The following MRPS35 variants were observed in gnomAD, a reference collection of about 807,000 sequenced individuals.
MRPS35 encodes the protein small ribosomal subunit protein mS35.
MRPS35 carries 29 observed loss-of-function variants against 32.7 expected under a neutral mutation model. That is an observed-to-expected ratio of 0.89 (90% CI 0.66 to 1.21). The LOEUF (loss-of-function observed/expected upper bound fraction) is 1.21, where lower values mean the gene tolerates loss of function less well. Ranked by LOEUF, MRPS35 falls within the 50% of genes most tolerant of loss-of-function variation. The pLI is 0.00. For synonymous variants in MRPS35, 148 were observed against 139.3 expected (o/e 1.06, Z -0.44); for missense variants, 373 against 383.8 (o/e 0.97, Z 0.23).
In MRPS35 at chr12:27,735,564, A is replaced by C; in HGVS notation, c.632+8A>C. The C allele has an allele frequency of 6.3e-7, 1 of 1,595,202 alleles. No individual in the cohort carries two copies. Among genetic ancestry groups the C allele is most frequent in the Non-Finnish European group, 8.6e-7 (1 of 1,166,370 alleles). ...TACCATCAAAACAGATAGGTAATGG[A>C]AAAAATGTTCAGCCGACTGGTCACG... On this transcript the variant is annotated splice_region_variant and intron_variant, in intron 6 of 7. Transcript: ENST00000081029.
chr12:27,722,722 G>A (rs1417764175), intron 4 of MRPS35, among the ~76,000 whole-genome samples: 1 of 149,740 alleles, frequency 6.7e-6, no homozygotes, highest in African/African-American at 2.4e-5. Flanking sequence ...TAATTGCAAA[G>A]ATACTTCTTT....
At chr12:27,720,618 T>C (rs1334551505) in intron 4 of MRPS35, among the ~76,000 whole-genome samples, 2 of 151,922 alleles carry the variant, frequency 1.3e-5, no homozygotes. Flanking sequence ...TTTATGTATA[T>C]ATGCTTATAT....
chr12:27,713,166 T>C (rs892098575), intron 1 of MRPS35, among the ~76,000 whole-genome samples: 1 of 152,242 alleles, frequency 6.6e-6, no homozygotes, highest in African/African-American at 2.4e-5. Flanking sequence ...GCTCTCACTC[T>C]GTCAAAACAC....
At chr12:27,725,181 C>T (rs2061894937) in intron 5 of MRPS35, among the ~76,000 whole-genome samples, 1 of 152,142 alleles carries the variant, frequency 6.6e-6, no homozygotes, top group African/African-American at 2.4e-5. Context: ...TCCCAAAGCA[C>T]TGGAATTACA....
chr12:27,730,317 A>C (rs1313972592), intron 5 of MRPS35, among the ~76,000 whole-genome samples: 1 of 152,166 alleles, frequency 6.6e-6, no homozygotes, highest in Non-Finnish European at 1.5e-5. Context: ...TGACCTTAAC[A>C]GTTTTGAGAA....
chr12:27,734,862 T>C (rs1410745427), intron 5 of MRPS35, among the ~76,000 whole-genome samples: 1 of 152,232 alleles, frequency 6.6e-6, no homozygotes. Flanking sequence ...AAAAAAATTC[T>C]TCTTAGCCTG....
intron 1 of MRPS35, among the ~76,000 whole-genome samples, chr12:27,712,295 A>C (rs11049105): frequency 0.12 from 18,462 of 152,272 alleles, 1,397 homozygotes; most frequent in East Asian, 0.18. Flanking sequence ...TGGTAGTATA[A>C]GACGTCAGAG....
rs754918951 is a variant in MRPS35 at position 27,719,919 on chromosome 12, T to C, written c.382+51T>C. The C allele has an allele frequency of 1.8e-5, 24 of 1,312,704 alleles. No homozygotes were observed. In the African/African-American group the frequency reaches 3.2e-4, roughly 18 times the overall value. The allele number at this position is 1,312,704 out of a possible 1,614,324, so 81.3% of individuals were successfully genotyped here. ...TTTTATATTGACTTTGAACATAAATTTAAGAATCTCTGTTCTGATATACTG... is the reference window on the plus strand; with the variant it reads ...TTTTATATTGACTTTGAACATAAATCTAAGAATCTCTGTTCTGATATACTG... On this transcript the variant is annotated intron_variant, in intron 4 of 7. Coordinates refer to ENST00000081029, the MANE Select transcript of MRPS35 (RefSeq NM_021821.4).
At chr12:27,714,747 C>T (rs2061842693) in intron 1 of MRPS35, 33 bp from the exon 2 acceptor site, 2 of 1,546,778 alleles carry the variant, frequency 1.3e-6, no homozygotes, top group East Asian at 2.3e-5. Flanking sequence ...TGATAAAATT[C>T]TCTTTAACTA....
intron 5 of MRPS35, among the ~76,000 whole-genome samples, chr12:27,732,910 A>G (rs769874513): frequency 2.0e-5 from 3 of 151,386 alleles, no homozygotes; most frequent in Non-Finnish European, 2.9e-5. Context: ...ATACTTGCAT[A>G]TAGAGAAAAT....
intron 7 of MRPS35, among the ~76,000 whole-genome samples, chr12:27,740,969 C>T (rs1444622008): frequency 6.6e-6 from 1 of 152,094 alleles, no homozygotes; most frequent in African/African-American, 2.4e-5. Context: ...GAGTTCGATA[C>T]CACCCTGGGC....
At chr12:27,752,700 T>A (rs1203011042) in intron 7 of MRPS35, among the ~76,000 whole-genome samples, 1 of 152,234 alleles carries the variant, frequency 6.6e-6, no homozygotes, top group Non-Finnish European at 1.5e-5. Flanking sequence ...ATAATGTAAT[T>A]AATTTAGGAC....
chr12:27,754,581 A>G (rs972562430), intron 7 of MRPS35, among the ~76,000 whole-genome samples: 6 of 151,914 alleles, frequency 3.9e-5, no homozygotes, highest in African/African-American at 1.2e-4. Flanking sequence ...AGCCTGGGCA[A>G]CATGGCAAAA....
chr12:27,711,049 C>G, intron 1 of MRPS35, 94 bp downstream of exon 1: 1 of 1,185,006 alleles, frequency 8.4e-7, no homozygotes, highest in Non-Finnish European at 1.2e-6. Flanking sequence ...GAGCCAGCGC[C>G]GCCCGGGGGA....
At chr12:27,752,312 G>A (rs7969838) in intron 7 of MRPS35, among the ~76,000 whole-genome samples, 151,714 of 152,322 alleles carry the variant, frequency 1, 75,560 homozygotes, top group East Asian at 1. Context: ...TGGCATACCT[G>A]TAATACATCT....
At chr12:27,722,431 C>T (rs2061880187) in intron 4 of MRPS35, among the ~76,000 whole-genome samples, 1 of 152,056 alleles carries the variant, frequency 6.6e-6, no homozygotes, top group Non-Finnish European at 1.5e-5. Flanking sequence ...TTCCATTTGG[C>T]TGTCTTTTTT....
intron 7 of MRPS35, among the ~76,000 whole-genome samples, chr12:27,752,557 T>C (rs541408338): frequency 1.3e-5 from 2 of 152,358 alleles, no homozygotes; most frequent in African/African-American, 4.8e-5. Context: ...AGTGACCGTT[T>C]TACTTAACGC....
At chr12:27,724,604 G>A (rs1401020914) in intron 5 of MRPS35, among the ~76,000 whole-genome samples, 8 of 152,052 alleles carry the variant, frequency 5.3e-5, no homozygotes, top group Admixed American at 2.6e-4. Context: ...TTAGCTGGGC[G>A]TGGTGGTGGG....
chr12:27,729,613 T>C (rs2061913575), intron 5 of MRPS35, among the ~76,000 whole-genome samples: 1 of 152,174 alleles, frequency 6.6e-6, no homozygotes, highest in African/African-American at 2.4e-5. Flanking sequence ...TACTAGCATT[T>C]ATGAAATTAC....
Sources: allele counts gnomAD v4.1 joint callset (sites outside exome capture counted in the v4.1 genomes callset), GRCh38; gene constraint gnomAD v4.1.1; transcripts MANE v1.5; gene names NCBI Gene and HGNC (gene_info 2026-07-23, HGNC 2026-07-21).